The following CTNNA3 variants were observed in gnomAD, a reference collection of about 807,000 sequenced individuals.
The protein encoded by CTNNA3 is catenin alpha-3.
Under a neutral mutation model 95.7 loss-of-function variants are expected in CTNNA3, and 76 were observed. The ratio of observed to expected loss-of-function variants is 0.79; its 90% confidence interval spans 0.66 to 0.96. CTNNA3 has a LOEUF of 0.96. CTNNA3 is among the 40% of genes least tolerant of loss of function. CTNNA3 has a pLI of 0.00. For synonymous variants in CTNNA3, 431 were observed against 374.4 expected, an observed-to-expected ratio of 1.15 and a Z score of -1.74; for missense variants, 1,191 against 1,089.8, an observed-to-expected ratio of 1.09 and a Z score of -1.31.
Position 66,623,669 on chromosome 10 carries a change from T to C in CTNNA3, c.1282-1885A>G, listed in dbSNP as rs145540348. ...TCATGTATTCTATGCCTGCACATAC[T>C]TGAACTTCTCCTTACCAGAACTGTT... On this transcript the variant is annotated intron_variant, in intron 9 of 17. Transcript: ENST00000433211. Among the ~76,000 whole-genome samples the C allele has an allele frequency of 3.6e-4, 55 of 152,106 alleles. 1 individual carries two copies. The highest frequency in any genetic ancestry group is 2.4e-4 in the Non-Finnish European group (16 of 67,932).
rs540581214 is a variant in CTNNA3 at position 67,246,321 on chromosome 10, A to C, written c.580-26451T>G. On this transcript the variant is annotated intron_variant, in intron 5 of 17. Transcript: ENST00000433211. ...TTAGCATTCTTGCACTCTAGAGAGA[A>C]GTATGTGTTTAGCACCAAATGGAAT... Among the ~76,000 whole-genome samples, 19 of 152,328 alleles carry C rather than the reference A, an allele frequency of 1.2e-4. No individual in the cohort carries two copies. In the South Asian group the frequency reaches 3.9e-3, roughly 32 times the overall value.
At chr10:66,786,029 T>A (rs1840726838) in intron 7 of CTNNA3, among the ~76,000 whole-genome samples, 1 of 152,162 alleles carries the variant, frequency 6.6e-6, no homozygotes, top group Admixed American at 6.6e-5. Flanking sequence ...GTTGGTTGTG[T>A]CTGTCTACTG....
At chr10:66,994,197 A>T (rs116774232) in intron 7 of CTNNA3, among the ~76,000 whole-genome samples, 1,676 of 152,314 alleles carry the variant, frequency 0.011, 26 homozygotes, top group African/African-American at 0.038. Flanking sequence ...GTAAAGGAGC[A>T]ACTACCCAGG....
intron 9 of CTNNA3, among the ~76,000 whole-genome samples, chr10:66,677,912 G>A (rs1231751075): frequency 9.8e-6 from 1 of 101,924 alleles, no homozygotes; most frequent in Non-Finnish European, 2.0e-5. Context: ...CAAACTTTGA[G>A]TAACAACTAT....
At chr10:65,921,599 A>G (rs1254089044) in intron 17 of CTNNA3, among the ~76,000 whole-genome samples, 1 of 152,246 alleles carries the variant, frequency 6.6e-6, no homozygotes, top group African/African-American at 2.4e-5. Context: ...CGTGAACCTC[A>G]CTTCCACTGG....
chr10:66,356,391 C>A (rs1219521522), intron 12 of CTNNA3, among the ~76,000 whole-genome samples: 1 of 151,710 alleles, frequency 6.6e-6, no homozygotes, highest in African/African-American at 2.4e-5. Flanking sequence ...TAGTTTCTGG[C>A]AACATATAGG....
chr10:66,432,740 T>C (rs1018481354), intron 11 of CTNNA3, among the ~76,000 whole-genome samples: 1 of 152,028 alleles, frequency 6.6e-6, no homozygotes, highest in Non-Finnish European at 1.5e-5. Flanking sequence ...GTGACATGGT[T>C]GTTTGATGCA....
At chr10:66,964,239 A>G (rs1849279137) in intron 7 of CTNNA3, among the ~76,000 whole-genome samples, 1 of 151,612 alleles carries the variant, frequency 6.6e-6, no homozygotes, top group Admixed American at 6.6e-5. Flanking sequence ...CTTTCCTTAG[A>G]CATTTAAAGT....
chr10:67,211,464 A>C lies in CTNNA3; in HGVS notation c.843+8143T>G, dbSNP rs139731036. On this transcript the variant is annotated intron_variant, in intron 6 of 17. Coordinates refer to ENST00000433211, the MANE Select transcript of CTNNA3 (RefSeq NM_013266.4). ...GTGTTTTATTTAATCATCAAGATAA[A>C]GGAGATGTTGTCCTTCTTTTATTGG... 9.5e-3 allele frequency among the ~76,000 whole-genome samples: 1,450 copies of C among 152,252 alleles called. 24 individuals are homozygous for C. The highest frequency in any genetic ancestry group is 0.033 in the African/African-American group (1,391 of 41,556).
chr10:67,238,686 A>C (rs547106949), intron 5 of CTNNA3, among the ~76,000 whole-genome samples: 31 of 152,212 alleles, frequency 2.0e-4, no homozygotes, highest in African/African-American at 7.2e-4. Flanking sequence ...AACATCTGTA[A>C]ATCATGAACG....
chr10:67,068,656 G>A (rs1402370242), intron 7 of CTNNA3, among the ~76,000 whole-genome samples: 1 of 152,312 alleles, frequency 6.6e-6, no homozygotes, highest in Middle Eastern at 3.4e-3. Context: ...AAGCTGAGGG[G>A]AGAGAGTTTT....
chr10:66,253,087 C>G (rs1487327101), intron 13 of CTNNA3, among the ~76,000 whole-genome samples: 2 of 152,134 alleles, frequency 1.3e-5, no homozygotes, highest in Non-Finnish European at 2.9e-5. Context: ...GTCTAAAGAG[C>G]AACATGTCTT....
intron 11 of CTNNA3, among the ~76,000 whole-genome samples, chr10:66,380,622 T>C (rs1182452520): frequency 9.9e-6 from 1 of 101,288 alleles, no homozygotes; most frequent in Non-Finnish European, 1.8e-5. Context: ...TCTATCTATC[T>C]ATCTATATAT....
intron 16 of CTNNA3, among the ~76,000 whole-genome samples, chr10:65,968,157 A>C (rs1190073779): frequency 2.6e-5 from 4 of 152,212 alleles, no homozygotes; most frequent in Non-Finnish European, 1.5e-5. Flanking sequence ...TGGGAAGCTG[A>C]AACAGGAAAA....
intron 13 of CTNNA3, among the ~76,000 whole-genome samples, chr10:66,262,727 A>T (rs2091042325): frequency 6.6e-6 from 1 of 152,062 alleles, no homozygotes; most frequent in Non-Finnish European, 1.5e-5. Context: ...GTGAGGCTAA[A>T]ATTTGTACTA....
chr10:66,790,377 G>GTTGCAGTGAGCCGAGA (rs1165447566), intron 7 of CTNNA3, among the ~76,000 whole-genome samples: 1 of 152,006 alleles, frequency 6.6e-6, no homozygotes, highest in African/African-American at 2.4e-5. Flanking sequence ...TGAGGCAGAG[G>GTTGCAGTGAGCCGAGA]TTGCAGTGAG....
At chr10:66,749,718 G>A (rs1839055088) in intron 9 of CTNNA3, among the ~76,000 whole-genome samples, 1 of 152,174 alleles carries the variant, frequency 6.6e-6, no homozygotes, top group Non-Finnish European at 1.5e-5. Flanking sequence ...AATCCCTTGG[G>A]TAAATATCAA....
chr10:66,510,530 T>C (rs1329754997), intron 11 of CTNNA3, among the ~76,000 whole-genome samples: 1 of 150,260 alleles, frequency 6.7e-6, no homozygotes, highest in East Asian at 1.9e-4. Context: ...TAGCCATGGG[T>C]TTGTCATATA....
chr10:67,250,303 C>G (rs535397852), intron 5 of CTNNA3, among the ~76,000 whole-genome samples: 7 of 152,112 alleles, frequency 4.6e-5, no homozygotes, highest in African/African-American at 1.7e-4. Flanking sequence ...GCCACCTCCA[C>G]CTCCCAGGTT....
Sources: gnomAD v4.1 joint callset for allele counts (sites outside exome capture counted in the v4.1 genomes callset) on GRCh38, gnomAD v4.1.1 for gene constraint, MANE v1.5 for transcripts, NCBI Gene and HGNC (gene_info 2026-07-23, HGNC 2026-07-21) for gene names.